SLC35E1: variants seen among roughly 807,000 people sequenced by gnomAD.
SLC35E1 encodes the protein solute carrier family 35, member E1.
Under a neutral mutation model 31.0 loss-of-function variants are expected in SLC35E1, and 12 were observed. That is an observed-to-expected ratio of 0.39 (90% CI 0.25 to 0.63). The LOEUF (loss-of-function observed/expected upper bound fraction) is 0.63, where lower values mean the gene tolerates loss of function less well. SLC35E1 is among the 20% of genes least tolerant of loss of function. The pLI is 0.52. For synonymous variants in SLC35E1, 257 were observed against 264.1 expected (o/e 0.97, Z 0.26); for missense variants, 429 against 572.2 (o/e 0.75, Z 2.55).
chr19:16,571,393 TC>T, intron 2 of SLC35E1, 118 bp downstream of exon 2: 1 of 1,005,672 alleles, frequency 9.9e-7, no homozygotes, highest in Non-Finnish European at 1.6e-6. Context: ...TACACTGACT[TC>T]CCTATTTGAC....
Position 16,553,924 on chromosome 19 carries a change from G to A in SLC35E1, c.1003-15C>T. 1.3e-6 allele frequency: 2 copies of A among 1,577,710 alleles called. No homozygotes were observed. The highest frequency in any genetic ancestry group is 1.7e-6 in the Non-Finnish European group (2 of 1,158,712). ...TCGTACTTGGTCTGTGCCAGAAAGA[G>A]AGCAATGAGACAGGACATGCCCGGG... On this transcript the variant is annotated splice_polypyrimidine_tract_variant and intron_variant, in intron 5 of 5. Coordinates refer to ENST00000595753, the MANE Select transcript of SLC35E1 (RefSeq NM_024881.5).
chr19:16,554,099 T>C (rs2085860917), intron 5 of SLC35E1, among the ~76,000 whole-genome samples, 190 bp from the exon 6 acceptor site: 1 of 151,292 alleles, frequency 6.6e-6, no homozygotes, highest in Admixed American at 6.6e-5. Context: ...ACCCCGTCTC[T>C]ACTAAAAATA....
rs1207855703 is a variant in SLC35E1 at position 16,552,752 on chromosome 19, C to T, written c.*927G>A. On this transcript the variant is annotated 3_prime_UTR_variant, in exon 6 of 6. Coordinates refer to ENST00000595753, the MANE Select transcript of SLC35E1 (RefSeq NM_024881.5). ...CACACACACAACTACAAAATATTCC[C>T]TAGAAAAATGCAAGATCCTCCGAAA... 1 of 152,186 alleles carries T rather than the reference C, an allele frequency of 6.6e-6. No individual in the cohort carries two copies. Among genetic ancestry groups the T allele is most frequent in the Non-Finnish European group, 1.5e-5 (1 of 68,036 alleles). 9.4% of individuals were successfully genotyped at this position (152,186 alleles called of 1,614,324 possible).
chr19:16,562,023 G>A (rs1410845876), intron 4 of SLC35E1, among the ~76,000 whole-genome samples: 1 of 150,040 alleles, frequency 6.7e-6, no homozygotes, highest in East Asian at 1.9e-4. Flanking sequence ...CAGTCTCTAC[G>A]AAAAAAAAGA....
At position 16,549,841 on chromosome 19, in the gene SLC35E1, C is replaced by A. The variant is rs111310829; in HGVS notation, c.*3838G>T. The A allele has an allele frequency of 6.6e-6, 1 of 152,178 alleles. No individual in the cohort carries two copies. Among genetic ancestry groups the A allele is most frequent in the Non-Finnish European group, 1.5e-5 (1 of 68,034 alleles). The allele number at this position is 152,178 out of a possible 1,614,324, so 9.4% of individuals were successfully genotyped here. On this transcript the variant is annotated 3_prime_UTR_variant, in exon 6 of 6. Coordinates refer to ENST00000595753, the MANE Select transcript of SLC35E1 (RefSeq NM_024881.5). ...ACAAATCGGGACCAATTTTGATTCC[C>A]TGGAAACCATCATTTATTTTTGGTA...
In SLC35E1 at chr19:16,555,380, C is replaced by T; in HGVS notation, c.774G>A (p.Trp258Ter). 6.2e-7 allele frequency: 1 copy of T among 1,613,828 alleles called. No homozygotes were observed. Among genetic ancestry groups the T allele is most frequent in the South Asian group, 1.1e-5 (1 of 91,070 alleles). The change falls in exon 5 of 6, where the codon TGG (tryptophan) becomes TGA (stop). Residue 258 changes from tryptophan to a stop codon, truncating the protein, a stop_gained. Coordinates refer to ENST00000595753, the MANE Select transcript of SLC35E1 (RefSeq NM_024881.5). LOFTEE classifies it high-confidence loss of function. The surrounding 1 kb of genome is among the most constrained non-coding windows in gnomAD (Gnocchi z 4.1). ...CAGCCAGGAGCAGGAGCGTCCAGGG[C>T]CACTGGTAGACGTAGGTCTGCAGAG... Reference protein sequence around the residue: ...VSSDLTYVYQWPWTLLLLAVS... With the variant: ...VSSDLTYVYQ
At chr19:16,571,826 C>T in intron 1 of SLC35E1, 118 bp downstream of exon 1, 1 of 1,142,668 alleles carries the variant, frequency 8.8e-7, no homozygotes. Context: ...CCTTGGCAGC[C>T]CCTCTGCTGA....
intron 4 of SLC35E1, chr19:16,557,089 C>T: frequency 2.4e-6 from 1 of 410,628 alleles, no homozygotes; most frequent in South Asian, 1.8e-5. Flanking sequence ...TTCCTGCTTG[C>T]ATAGATATCT....
In SLC35E1 at chr19:16,571,511, C is replaced by CCTTGG; in HGVS notation, c.488_492dup (p.Val165ProfsTer72). Reference sequence around the variant, plus strand: ...TGCCCAGAGTCCCTGCCCGGGGTTACCTTGGTGCTCTGCTTCTCCTTCATA... The same window carrying CCTTGG: ...TGCCCAGAGTCCCTGCCCGGGGTTACCTTGGCTTGGTGCTCTGCTTCTCCTTCATA... On this transcript the variant is annotated frameshift_variant and splice_region_variant. Transcript: ENST00000595753. LOFTEE classifies it high-confidence loss of function. The CCTTGG allele has an allele frequency of 6.2e-7, 1 of 1,613,850 alleles. No homozygotes were observed. Among genetic ancestry groups the CCTTGG allele is most frequent in the Non-Finnish European group, 8.5e-7 (1 of 1,179,880 alleles).
chr19:16,562,572 C>T (rs1269708046), intron 4 of SLC35E1, among the ~76,000 whole-genome samples: 1 of 152,180 alleles, frequency 6.6e-6, no homozygotes, highest in African/African-American at 2.4e-5. Flanking sequence ...AACTGCTATA[C>T]AAATAATTGT....
chr19:16,563,227 G>T (rs923621348), intron 4 of SLC35E1, among the ~76,000 whole-genome samples: 1 of 152,038 alleles, frequency 6.6e-6, no homozygotes, highest in African/African-American at 2.4e-5. Context: ...GGGAGGCTGA[G>T]GCAGGAGAAC....
intron 4 of SLC35E1, among the ~76,000 whole-genome samples, chr19:16,556,225 A>G (rs2085874437): frequency 6.6e-6 from 1 of 151,984 alleles, no homozygotes; most frequent in South Asian, 2.1e-4. Context: ...AAAAACAAAC[A>G]AAAAAACCAG....
chr19:16,556,391 C>T (rs1461745073), intron 4 of SLC35E1, among the ~76,000 whole-genome samples: 1 of 151,950 alleles, frequency 6.6e-6, no homozygotes, highest in Non-Finnish European at 1.5e-5. Flanking sequence ...CACCTGTGGT[C>T]CCAGCTACCT....
intron 2 of SLC35E1, among the ~76,000 whole-genome samples, chr19:16,570,039 T>C (rs546756065): frequency 3.3e-5 from 5 of 152,366 alleles, no homozygotes; most frequent in South Asian, 2.1e-4. Context: ...TGATGACTAC[T>C]GGCCTTATCT....
At chr19:16,561,900 C>A (rs1273222582) in intron 4 of SLC35E1, among the ~76,000 whole-genome samples, 1 of 152,062 alleles carries the variant, frequency 6.6e-6, no homozygotes, top group Non-Finnish European at 1.5e-5. Context: ...TGTTAAAAAA[C>A]ATATGGGCCA....
intron 4 of SLC35E1, among the ~76,000 whole-genome samples, chr19:16,563,097 G>A (rs1770503631): frequency 6.6e-6 from 1 of 152,044 alleles, no homozygotes; most frequent in Non-Finnish European, 1.5e-5. Flanking sequence ...GAAGTGGGTG[G>A]ATCACCTAAT....
Position 16,555,009 on chromosome 19 carries a change from G to GC in SLC35E1, c.1002+142dup. On this transcript the variant is annotated intron_variant, in intron 5 of 5. Coordinates refer to ENST00000595753, the MANE Select transcript of SLC35E1 (RefSeq NM_024881.5). The surrounding 1 kb of genome is among the most constrained non-coding windows in gnomAD (Gnocchi z 4.1). ...AAAAAGGAAGCCAGAGTGGGATGGG[G>GC]CTACGCCAAGATCATAAACCAGTCA... 8.1e-7 allele frequency: 1 copy of GC among 1,239,960 alleles called. No individual in the cohort carries two copies. The highest frequency in any genetic ancestry group is 1.1e-6 in the Non-Finnish European group (1 of 914,522). 76.8% of individuals were successfully genotyped at this position (1,239,960 alleles called of 1,614,324 possible). A position where few individuals can be genotyped will look rare whatever the true frequency, so the allele number is the denominator to read the frequency against.
At chr19:16,571,232 G>A (rs1470695733) in intron 2 of SLC35E1, among the ~76,000 whole-genome samples, 2 of 152,146 alleles carry the variant, frequency 1.3e-5, no homozygotes, top group Non-Finnish European at 2.9e-5. Context: ...ACCCAGGTAG[G>A]GAATCAAAAC....
rs775453687 is a variant in SLC35E1, at chr19:16,555,323, A to G, written c.831T>C (p.Val277=). ...CGAGGTTGAGGATGCTGAAGGCGAT[A>G]ACATTCTGGGCAAAGTTACAGAAGC... is the stretch of plus-strand genomic sequence containing the variant. ...VSGFCNFAQN[V]IAFSILNLVS... Residue 277 remains valine (V), a synonymous_variant, in exon 5 of 6, where the codon GTT becomes GTC. Coordinates refer to ENST00000595753, the MANE Select transcript of SLC35E1 (RefSeq NM_024881.5). This position sits in a 1 kb window ranked among gnomAD's most constrained non-coding sequence, Gnocchi z 4.1. 39 of 1,614,028 alleles carry G rather than the reference A, an allele frequency of 2.4e-5. No individual in the cohort carries two copies. The highest frequency in any genetic ancestry group is 3.1e-5 in the Non-Finnish European group (37 of 1,180,024).
Sources: allele counts gnomAD v4.1 joint callset (sites outside exome capture counted in the v4.1 genomes callset), GRCh38; gene constraint gnomAD v4.1.1; non-coding constraint Gnocchi (gnomAD v3.1); transcripts MANE v1.5; gene names NCBI Gene and HGNC (gene_info 2026-07-23, HGNC 2026-07-21).